The following HCFC2 variants were observed in gnomAD, a reference collection of about 807,000 sequenced individuals.
The protein encoded by HCFC2 is host cell factor 2.
HCFC2 carries 18 observed loss-of-function variants against 89.2 expected under a neutral mutation model. That is an observed-to-expected ratio of 0.20 (90% confidence interval 0.14 to 0.30). HCFC2 has a LOEUF of 0.30. HCFC2 is among the 10% of genes least tolerant of loss of function. The pLI, the probability that HCFC2 is intolerant of heterozygous loss-of-function variation, is 1.00. For synonymous variants in HCFC2, 308 were observed against 335.7 expected, an observed-to-expected ratio of 0.92 and a Z score of 0.90; for missense variants, 578 against 956.1, an observed-to-expected ratio of 0.60 and a Z score of 5.21.
intron 3 of HCFC2, among the ~76,000 whole-genome samples, chr12:104,069,266 G>A (rs769358126): frequency 6.6e-6 from 1 of 152,056 alleles, no homozygotes; most frequent in Non-Finnish European, 1.5e-5. Context: ...AGATCGTGCT[G>A]CTGCACTCCA....
At chr12:104,100,478 G>A (rs1339645178) in intron 13 of HCFC2, among the ~76,000 whole-genome samples, 2 of 152,038 alleles carry the variant, frequency 1.3e-5, no homozygotes, top group Non-Finnish European at 2.9e-5. Context: ...GGGAGGCTGA[G>A]GTGGGAGGAT....
intron 7 of HCFC2, 60 bp from the exon 8 acceptor site, chr12:104,086,787 T>C (rs1883863379): frequency 6.8e-7 from 1 of 1,474,838 alleles, no homozygotes; most frequent in South Asian, 1.2e-5. Context: ...ACACAAATTA[T>C]ATCAGCAAAC....
At chr12:104,074,513 A>G (rs1883435300) in intron 3 of HCFC2, among the ~76,000 whole-genome samples, 2 of 152,198 alleles carry the variant, frequency 1.3e-5, no homozygotes, top group South Asian at 4.1e-4. Flanking sequence ...CTTTTGAAAA[A>G]GAAATGTATA....
intron 3 of HCFC2, among the ~76,000 whole-genome samples, chr12:104,069,601 A>C (rs1395981479): frequency 6.6e-6 from 1 of 150,420 alleles, no homozygotes; most frequent in African/African-American, 2.4e-5. Context: ...CGCTTACCAT[A>C]ATGTCCTGCT....
Position 104,067,899 on chromosome 12 carries a change from T to C in HCFC2, c.313-48T>C, listed in dbSNP as rs1566223323. On this transcript the variant is annotated intron_variant, in intron 2 of 14. Transcript: ENST00000229330. ...TGTTGCACTATTGACAATATAGGAG[T>C]GCTTTCTTGATTTTGTCTGACTGTA... The C allele has an allele frequency of 2.0e-6, 3 of 1,528,400 alleles. No individual in the cohort carries two copies. In the African/African-American group the frequency reaches 4.2e-5, roughly 22 times the overall value. The allele number at this position is 1,528,400 out of a possible 1,614,324, so 94.7% of individuals were successfully genotyped here.
chr12:104,086,476 G>C (rs1883847337), intron 7 of HCFC2, among the ~76,000 whole-genome samples: 1 of 151,468 alleles, frequency 6.6e-6, no homozygotes, highest in Non-Finnish European at 1.5e-5. Context: ...CCTCTCCCCA[G>C]CCTCCCCCCA....
chr12:104,068,181 ATT>A lies in HCFC2; in HGVS notation c.473+78_473+79del. The A allele has an allele frequency of 7.6e-7, 1 of 1,321,748 alleles. No individual in the cohort carries two copies. The highest frequency in any genetic ancestry group is 1.0e-6 in the Non-Finnish European group (1 of 982,448). The allele number at this position is 1,321,748 out of a possible 1,614,324, so 81.9% of individuals were successfully genotyped here. A position where few individuals can be genotyped will look rare whatever the true frequency, so the allele number is the denominator to read the frequency against. ...GAACATTTTATTTTTTCCATCTTTA[ATT>A]TTTAAAAGGGATGATGCTTAGCTTT... On this transcript the variant is annotated intron_variant, in intron 3 of 14. Transcript: ENST00000229330. This position sits in a 1 kb window ranked among gnomAD's most constrained non-coding sequence, Gnocchi z 4.1.
At chr12:104,083,706 T>G (rs1424584114) in intron 7 of HCFC2, among the ~76,000 whole-genome samples, 1 of 152,148 alleles carries the variant, frequency 6.6e-6, no homozygotes, top group African/African-American at 2.4e-5. Flanking sequence ...AAATCTAAAA[T>G]TATTTTAAAA....
chr12:104,096,395 A>C lies in HCFC2; in HGVS notation c.1702A>C (p.Ser568Arg). 1 of 1,607,624 alleles carries C rather than the reference A, an allele frequency of 6.2e-7. No homozygotes were observed. The highest frequency in any genetic ancestry group is 8.5e-7 in the Non-Finnish European group (1 of 1,175,642). Residue 568 changes from serine to arginine, a missense_variant, in exon 12 of 15, where the codon AGC becomes CGC. Around this residue, in one of 4 missense-constraint regions of HCFC2, gnomAD observed 210 missense variants for 251.7 expected, o/e 0.83. Coordinates refer to ENST00000229330, the MANE Select transcript of HCFC2 (RefSeq NM_013320.3). Reference protein sequence around the residue: ...ETYALPATKISRVETHATATP... With the variant: ...ETYALPATKIRRVETHATATP... ...ATATGCACTGCCTGCAACGAAGATC[A>C]GCCGTGTAGAGACACATGCTACAGC...
At chr12:104,096,282 A>T in intron 11 of HCFC2, 78 bp from the exon 12 acceptor site, 3 of 943,262 alleles carry the variant, frequency 3.2e-6, no homozygotes, top group South Asian at 2.1e-5. Flanking sequence ...GGTGGCATTA[A>T]ATATATATTT....
rs1313647234 is a variant in HCFC2, at chr12:104,102,051, T to C, written c.1962T>C (p.Ala654=). Residue 654 remains alanine (A), a synonymous_variant, in exon 14 of 15, where the codon GCT becomes GCC. Coordinates refer to ENST00000229330, the MANE Select transcript of HCFC2 (RefSeq NM_013320.3). ...VPGTGYRFRV[A]AINGCGIGPF... is the part of the protein sequence containing the mutation. Reference sequence around the variant, plus strand: ...GCACAGGATACAGATTCAGGGTTGCTGCAATCAATGGTTGTGGGATAGGTC... The same window carrying C: ...GCACAGGATACAGATTCAGGGTTGCCGCAATCAATGGTTGTGGGATAGGTC... 6 of 1,614,012 alleles carry C rather than the reference T, an allele frequency of 3.7e-6. No individual in the cohort carries two copies. Among genetic ancestry groups the C allele is most frequent in the Non-Finnish European group, 5.1e-6 (6 of 1,179,990 alleles).
chr12:104,072,648 C>CTT (rs1221434181), intron 3 of HCFC2, among the ~76,000 whole-genome samples: 8 of 143,658 alleles, frequency 5.6e-5, no homozygotes, highest in African/African-American at 1.5e-4. Context: ...CATTTGGTTT[C>CTT]TTTTTTTTTT....
intron 4 of HCFC2, 112 bp from the exon 5 acceptor site, chr12:104,080,634 A>G: frequency 1.7e-6 from 1 of 602,810 alleles, no homozygotes; most frequent in Non-Finnish European, 2.8e-6. Flanking sequence ...AACTGTTCTA[A>G]AATACTTTGT....
At chr12:104,089,192 G>A (rs1193497547) in intron 9 of HCFC2, among the ~76,000 whole-genome samples, 28 of 152,198 alleles carry the variant, frequency 1.8e-4, no homozygotes, top group Admixed American at 1.8e-3. Flanking sequence ...GGAACCCACA[G>A]ATATGGAGGA....
intron 1 of HCFC2, 139 bp from the exon 2 acceptor site, chr12:104,066,028 A>C: frequency 1.3e-6 from 1 of 793,184 alleles, no homozygotes; most frequent in Non-Finnish European, 2.0e-6. Flanking sequence ...TAAAAATGTC[A>C]CCAGACATTA....
At chr12:104,072,266 G>C (rs1488948232) in intron 3 of HCFC2, among the ~76,000 whole-genome samples, 2 of 152,092 alleles carry the variant, frequency 1.3e-5, no homozygotes, top group Non-Finnish European at 2.9e-5. Context: ...CATCTACATG[G>C]GGGGCCAGAG....
In HCFC2 at chr12:104,096,814, G is replaced by A. The variant is rs542845724; in HGVS notation, c.1740+381G>A. On this transcript the variant is annotated intron_variant, in intron 12 of 14. Coordinates refer to ENST00000229330, the MANE Select transcript of HCFC2 (RefSeq NM_013320.3). ...TTTTTATAATCAGAAATGTGTGTATGTATATATACATACATATATGTGTAT... is the reference window on the plus strand; with the variant it reads ...TTTTTATAATCAGAAATGTGTGTATATATATATACATACATATATGTGTAT... Among the ~76,000 whole-genome samples, 185 of 152,124 alleles carry A rather than the reference G, an allele frequency of 1.2e-3. 2 individuals carry two copies. Among genetic ancestry groups the A allele is most frequent in the African/African-American group, 4.2e-3 (174 of 41,478 alleles).
chr12:104,082,643 T>C (rs1405558102), intron 6 of HCFC2, 37 bp downstream of exon 6: 4 of 1,562,210 alleles, frequency 2.6e-6, no homozygotes, highest in Non-Finnish European at 3.5e-6. Flanking sequence ...AATTAATCTT[T>C]ATTAATAAGA....
In HCFC2 at chr12:104,105,028, G is replaced by A. The variant is rs1424074260; in HGVS notation, c.*1755G>A. ...TGGCATATGCTTGCTTTTTGCACTA[G>A]TAGAATTTTAACTTACCTCATTATT... is the stretch of plus-strand genomic sequence containing the variant. On this transcript the variant is annotated 3_prime_UTR_variant, in exon 15 of 15. Transcript: ENST00000229330. 1 of 151,956 alleles carries A rather than the reference G, an allele frequency of 6.6e-6. No individual in the cohort carries two copies. Among genetic ancestry groups the A allele is most frequent in the Non-Finnish European group, 1.5e-5 (1 of 67,878 alleles). The allele number at this position is 151,956 out of a possible 1,614,324, so 9.4% of individuals were successfully genotyped here.
Sources: gnomAD v4.1 joint callset for allele counts (sites outside exome capture counted in the v4.1 genomes callset) on GRCh38, gnomAD v4.1.1 for gene constraint, gnomAD v4.1.1 regional missense constraint, Gnocchi (gnomAD v3.1) non-coding constraint, MANE v1.5 for transcripts, NCBI Gene and HGNC (gene_info 2026-07-23, HGNC 2026-07-21) for gene names.